The following PRKDC variants were observed in gnomAD, a reference collection of about 807,000 sequenced individuals.
PRKDC encodes DNA-dependent protein kinase catalytic subunit.
In PRKDC, 82 loss-of-function variants were observed where a neutral mutation model predicts 486.9. The ratio of observed to expected loss-of-function variants is 0.17; its 90% CI spans 0.14 to 0.20. The LOEUF (loss-of-function observed/expected upper bound fraction) is 0.20, where lower values mean the gene tolerates loss of function less well. Among genes scored for constraint, PRKDC ranks in the 10% least tolerant of loss-of-function variants. PRKDC has a pLI of 1.00. For synonymous variants in PRKDC, 1,895 were observed against 1,837.0 expected (o/e 1.03, Z -0.81); for missense variants, 4,504 against 5,038.2 (o/e 0.89, Z 3.21).
At position 47,799,428 on chromosome 8, in the gene PRKDC, G is replaced by A. The variant is rs375142055; in HGVS notation, c.10117-38C>T. The A allele has an allele frequency of 2.7e-4, 384 of 1,436,764 alleles. No individual in the cohort carries two copies. In the African/African-American group the frequency reaches 4.8e-3, roughly 18 times the overall value. The allele number at this position is 1,436,764 out of a possible 1,614,324, so 89.0% of individuals were successfully genotyped here. A position where few individuals can be genotyped will look rare whatever the true frequency, so the allele number is the denominator to read the frequency against. Reference sequence around the variant, plus strand: ...GAGACCTAAACCCATGAGCATGACTGAAGCTTTCTCAAAGAACTCTGCTTT... The same window carrying A: ...GAGACCTAAACCCATGAGCATGACTAAAGCTTTCTCAAAGAACTCTGCTTT... On this transcript the variant is annotated intron_variant, in intron 71 of 85. Coordinates refer to ENST00000314191, the MANE Select transcript of PRKDC (RefSeq NM_006904.7).
chr8:47,892,750 G>T (rs2089489867), intron 31 of PRKDC, among the ~76,000 whole-genome samples: 1 of 152,150 alleles, frequency 6.6e-6, no homozygotes, highest in Non-Finnish European at 1.5e-5. Flanking sequence ...TAGGAAATGA[G>T]AATATGAATT....
In PRKDC at chr8:47,849,298, A is replaced by G; in HGVS notation, c.7136T>C (p.Met2379Thr). Residue 2379 changes from methionine to threonine, a missense_variant, in exon 54 of 86, where the codon ATG (methionine) becomes ACG (threonine). By Grantham distance (81) the Met-to-Thr change is moderately conservative. Coordinates refer to ENST00000314191, the MANE Select transcript of PRKDC (RefSeq NM_006904.7). ...KSFPPLADRFMNAVFFLLPKF... is the reference protein window; with the variant it reads ...KSFPPLADRFTNAVFFLLPKF... ...TGGCAGCAGAAAGAACACAGCATTCATGAACCTGGCGGGGAAGGGAACTGG... is the reference window on the plus strand; with the variant it reads ...TGGCAGCAGAAAGAACACAGCATTCGTGAACCTGGCGGGGAAGGGAACTGG... The G allele has an allele frequency of 1.9e-6, 3 of 1,613,986 alleles. No individual in the cohort carries two copies. The South Asian group carries it at 3.3e-5, about 18-fold the overall frequency.
rs1429188916 is a variant in PRKDC at position 47,960,044 on chromosome 8, G to A, written c.83C>T (p.Ala28Val). Residue 28 changes from alanine (A) to valine (V), a missense_variant, in exon 1 of 86, where the codon GCC becomes GTC. Physicochemically the swap from Ala to Val is moderately conservative, Grantham distance 64 (BLOSUM62 0). Transcript: ENST00000314191. Reference protein sequence around the residue: ...TLSAADRCGAALAGHQLIRGL... With the variant: ...TLSAADRCGAVLAGHQLIRGL... ...GCGGATCAGTTGATGACCGGCCAGGGCAGCACCGCAGCGGTCCGCAGCGGA... is the reference window on the plus strand; with the variant it reads ...GCGGATCAGTTGATGACCGGCCAGGACAGCACCGCAGCGGTCCGCAGCGGA... 2.0e-6 allele frequency: 3 copies of A among 1,533,358 alleles called. No homozygotes were observed. Among genetic ancestry groups the A allele is most frequent in the Non-Finnish European group, 2.6e-6 (3 of 1,146,276 alleles). 95.0% of individuals were successfully genotyped at this position (1,533,358 alleles called of 1,614,324 possible). A position where few individuals can be genotyped will look rare whatever the true frequency, so the allele number is the denominator to read the frequency against.
intron 80 of PRKDC, 32 bp from the exon 81 acceptor site, chr8:47,779,125 G>T: frequency 6.8e-7 from 1 of 1,479,624 alleles, no homozygotes; most frequent in Non-Finnish European, 9.2e-7. Context: ...ATTGGAATTA[G>T]GAAGATTTTA....
intron 60 of PRKDC, among the ~76,000 whole-genome samples, chr8:47,831,193 C>T (rs2087862680): frequency 6.6e-6 from 1 of 152,162 alleles, no homozygotes; most frequent in African/African-American, 2.4e-5. Context: ...GCCTCAGGCT[C>T]CACAAGCATG....
At chr8:47,955,461 CAAAA>C (rs746883720) in intron 4 of PRKDC, among the ~76,000 whole-genome samples, 77 of 18,510 alleles carry the variant, frequency 4.2e-3, no homozygotes, top group African/African-American at 0.012. Flanking sequence ...GACTCCGTCT[CAAAA>C]AAAAAAAAAA....
At chr8:47,822,733 T>C (rs1013437793) in intron 64 of PRKDC, among the ~76,000 whole-genome samples, 1 of 152,052 alleles carries the variant, frequency 6.6e-6, no homozygotes, top group Admixed American at 6.5e-5. Flanking sequence ...GAGCTTGCAG[T>C]GAGCCCAGAT....
At chr8:47,891,847 A>T (rs978356433) in intron 31 of PRKDC, among the ~76,000 whole-genome samples, 1 of 152,160 alleles carries the variant, frequency 6.6e-6, no homozygotes, top group African/African-American at 2.4e-5. Context: ...TAAACCAAAT[A>T]TGGCACTTAT....
intron 1 of PRKDC, among the ~76,000 whole-genome samples, chr8:47,958,082 A>C (rs1459105193): frequency 6.6e-6 from 1 of 152,240 alleles, no homozygotes; most frequent in African/African-American, 2.4e-5. Context: ...TGGATTATCC[A>C]GAGAGCCCAA....
chr8:47,891,495 C>T (rs544777197), intron 31 of PRKDC, among the ~76,000 whole-genome samples: 1 of 152,022 alleles, frequency 6.6e-6, no homozygotes, highest in Non-Finnish European at 1.5e-5. Context: ...CCGAGGCAGG[C>T]GGATCACGAG....
rs570541034 is a variant in PRKDC, at chr8:47,876,153, A to C, written c.5363+1571T>G. ...TCCTGTGGGGTCTTACTGGGGAATA[A>C]AAATGTTATATGGTGCTGGTTGCAT... On this transcript the variant is annotated intron_variant, in intron 40 of 85. Transcript: ENST00000314191. Among the ~76,000 whole-genome samples the C allele has an allele frequency of 1.4e-4, 22 of 152,366 alleles. No individual in the cohort carries two copies. The East Asian group carries it at 2.3e-3, about 16-fold the overall frequency.
At position 47,849,465 on chromosome 8, in the gene PRKDC, T is replaced by C. The variant is rs750615577; in HGVS notation, c.7044A>G (p.Gln2348=). 1.2e-6 allele frequency: 2 copies of C among 1,614,052 alleles called. No homozygotes were observed. Among genetic ancestry groups the C allele is most frequent in the Non-Finnish European group, 1.7e-6 (2 of 1,179,910 alleles). ...CCATAGTATTCTGATGTTGCTTCAA[T>C]TGTTTCGCAACCAGTTCACACAGAG... ...EESLCELVAK[Q]LKQHQNTMED... is the part of the protein sequence containing the mutation. Residue 2348 remains glutamine (Q), a synonymous_variant, in exon 53 of 86, where the codon CAA becomes CAG. Transcript: ENST00000314191.
intron 69 of PRKDC, among the ~76,000 whole-genome samples, chr8:47,806,265 C>A (rs1007622842): frequency 5.3e-5 from 8 of 152,180 alleles, no homozygotes; most frequent in Admixed American, 5.2e-4. Flanking sequence ...TTCCCCTCAT[C>A]ATGCCAGACA....
chr8:47,952,089 T>C (rs577322393), intron 7 of PRKDC, among the ~76,000 whole-genome samples: 2 of 152,286 alleles, frequency 1.3e-5, no homozygotes, highest in East Asian at 1.9e-4. Context: ...AAGGTTACCA[T>C]ACAACCCAAC....
chr8:47,818,079 T>C (rs1249944337), intron 67 of PRKDC, among the ~76,000 whole-genome samples: 1 of 152,238 alleles, frequency 6.6e-6, no homozygotes, highest in Non-Finnish European at 1.5e-5. Flanking sequence ...AGATTCATAA[T>C]AATCTTCACA....
chr8:47,823,752 T>C, intron 64 of PRKDC, 106 bp downstream of exon 64: 4 of 1,351,088 alleles, frequency 3.0e-6, no homozygotes, highest in South Asian at 1.3e-5. Flanking sequence ...CGAAAAGACA[T>C]TGAACCAACA....
intron 21 of PRKDC, among the ~76,000 whole-genome samples, chr8:47,924,919 A>T (rs758862182): frequency 6.6e-6 from 1 of 152,114 alleles, no homozygotes; most frequent in Non-Finnish European, 1.5e-5. Context: ...CTTATTCTCA[A>T]TGAATTTATG....
At position 47,948,125 on chromosome 8, in the gene PRKDC, C is replaced by CCG. The variant is rs569295816; in HGVS notation, c.722-4097_722-4096insCG. Among the ~76,000 whole-genome samples, 568 of 150,826 alleles carry CCG rather than the reference C, an allele frequency of 3.8e-3. 4 individuals are homozygous for CCG. The highest frequency in any genetic ancestry group is 0.024 in the South Asian group (115 of 4,756). Reference sequence around the variant, plus strand: ...ACACACACACACACACACACACACACGCGTTTATATATATGTATATATATA... The same window carrying CCG: ...ACACACACACACACACACACACACACCGGCGTTTATATATATGTATATATATA... On this transcript the variant is annotated intron_variant, in intron 7 of 85. Transcript: ENST00000314191.
At chr8:47,917,513 A>T (rs1367512262) in intron 22 of PRKDC, among the ~76,000 whole-genome samples, 2 of 152,126 alleles carry the variant, frequency 1.3e-5, no homozygotes, top group Non-Finnish European at 2.9e-5. Context: ...TATTTTCCCT[A>T]TTCTAACTCA....
Sources: gnomAD v4.1 joint callset for allele counts (sites outside exome capture counted in the v4.1 genomes callset) on GRCh38, gnomAD v4.1.1 for gene constraint, MANE v1.5 for transcripts, NCBI Gene and HGNC (gene_info 2026-07-23, HGNC 2026-07-21) for gene names.